The following GPHN variants were observed in gnomAD, a reference collection of about 807,000 sequenced individuals.
GPHN encodes the protein gephyrin.
GPHN carries 17 observed loss-of-function variants against 95.5 expected under a neutral mutation model. That is an observed-to-expected ratio of 0.18 (90% CI 0.12 to 0.27). The LOEUF (loss-of-function observed/expected upper bound fraction) is 0.27, where lower values mean the gene tolerates loss of function less well. Among genes scored for constraint, GPHN ranks in the 10% least tolerant of loss-of-function variants. The pLI is 1.00. For missense variants in GPHN, 660 were observed against 978.1 expected (o/e 0.67, Z 4.34); for synonymous variants, 320 against 322.5 (o/e 0.99, Z 0.08).
At chr14:67,435,245 G>A in the GPHN span, among the ~76,000 whole-genome samples, 2 of 152,096 alleles carry the variant, frequency 1.3e-5, no homozygotes, top group African/African-American at 2.4e-5. Context: ...GGGATTACAA[G>A]CCTGAGCCAT....
intron 8 of GPHN, among the ~76,000 whole-genome samples, chr14:66,956,651 T>C (rs1269712592): frequency 6.6e-6 from 1 of 152,168 alleles, no homozygotes; most frequent in East Asian, 1.9e-4. Context: ...ATGAGCATTT[T>C]TTCATGTGTT....
At chr14:67,174,242 C>G (rs2082777757) in intron 21 of GPHN, among the ~76,000 whole-genome samples, 1 of 149,910 alleles carries the variant, frequency 6.7e-6, no homozygotes, top group Admixed American at 6.6e-5. Flanking sequence ...CCCACAACCC[C>G]CCGACAGGCC....
At chr14:67,642,793 C>CTTTTTTTTTTTTTTTTTTTTT in the GPHN span, among the ~76,000 whole-genome samples, 19 of 75,554 alleles carry the variant, frequency 2.5e-4, 6 homozygotes, top group African/African-American at 9.3e-4. Context: ...ACTACATTTT[C>CTTTTTTTTTTTTTTTTTTTTT]TTTTTTTTTT....
At chr14:67,172,621 A>G (rs2140104402) in intron 21 of GPHN, among the ~76,000 whole-genome samples, 1 of 152,242 alleles carries the variant, frequency 6.6e-6, no homozygotes, top group South Asian at 2.1e-4. Context: ...GCAGTGGCTG[A>G]GCTGAGACAC....
the GPHN span, among the ~76,000 whole-genome samples, chr14:67,636,323 C>CT: frequency 6.6e-6 from 1 of 152,194 alleles, no homozygotes; most frequent in African/African-American, 2.4e-5. Context: ...CATATATGAG[C>CT]TCTAACCAAA....
intron 5 of GPHN, among the ~76,000 whole-genome samples, chr14:66,892,526 T>C (rs913439381): frequency 7.2e-5 from 11 of 152,202 alleles, no homozygotes; most frequent in Non-Finnish European, 1.2e-4. Flanking sequence ...TGTCCATTGA[T>C]TGATGAATGC....
At chr14:67,701,110 A>C in the GPHN span, among the ~76,000 whole-genome samples, 10 of 151,848 alleles carry the variant, frequency 6.6e-5, no homozygotes, top group Non-Finnish European at 1.0e-4. Flanking sequence ...ACCAAGAAAA[A>C]CATGTATCTT....
intron 3 of GPHN, among the ~76,000 whole-genome samples, chr14:66,798,590 T>C (rs1465332887): frequency 6.6e-6 from 1 of 151,924 alleles, no homozygotes; most frequent in Non-Finnish European, 1.5e-5. Context: ...TTGCAATTTA[T>C]TGGGATACAG....
chr14:67,647,212 T>C, the GPHN span: 2 of 508,954 alleles, frequency 3.9e-6, no homozygotes, highest in South Asian at 6.4e-5. Flanking sequence ...GGGAGGAGGT[T>C]TCCTCTAAAT....
At chr14:67,225,081 C>A in the GPHN span, 1 of 1,528,836 alleles carries the variant, frequency 6.5e-7, no homozygotes, top group South Asian at 1.3e-5. Flanking sequence ...TTGATCTCTC[C>A]TTTACTTTCC....
intron 2 of GPHN, among the ~76,000 whole-genome samples, chr14:66,734,567 CCTT>C (rs1276964495): frequency 2.0e-5 from 3 of 152,134 alleles, no homozygotes; most frequent in Non-Finnish European, 4.4e-5. Context: ...AATTTTATCT[CCTT>C]AAGTTCTGTG....
intron 5 of GPHN, among the ~76,000 whole-genome samples, chr14:66,889,189 G>A (rs1293934659): frequency 6.6e-6 from 1 of 151,952 alleles, no homozygotes; most frequent in Non-Finnish European, 1.5e-5. Context: ...GGATAGAACA[G>A]CCACACAAAA....
At chr14:66,769,852 G>A (rs1054158408) in intron 2 of GPHN, among the ~76,000 whole-genome samples, 2 of 152,118 alleles carry the variant, frequency 1.3e-5, no homozygotes, top group Non-Finnish European at 2.9e-5. Context: ...ACCCAGTAGT[G>A]GGATTGCTGG....
In GPHN at chr14:66,690,518, A is replaced by AT. The variant is rs1215465401; in HGVS notation, c.143+9337dup. 3.9e-5 allele frequency among the ~76,000 whole-genome samples: 6 copies of AT among 152,022 alleles called. No homozygotes were observed. The East Asian group carries it at 9.7e-4, about 24-fold the overall frequency. On this transcript the variant is annotated intron_variant, in intron 2 of 22. Transcript: ENST00000478722. Reference sequence around the variant, plus strand: ...GTGTATTCTGCTGCATTTGGGTGATATTTTCTCTAAAGGTTTGTTAGGTTC... The same window carrying AT: ...GTGTATTCTGCTGCATTTGGGTGATATTTTTCTCTAAAGGTTTGTTAGGTTC...
chr14:67,111,943 T>C, intron 15 of GPHN, 24 bp downstream of exon 15: 1 of 1,562,212 alleles, frequency 6.4e-7, no homozygotes, highest in Non-Finnish European at 8.8e-7. Flanking sequence ...ACATAGAATA[T>C]ATAGCCTACT....
At chr14:66,999,258 C>T (rs2153609397) in intron 9 of GPHN, among the ~76,000 whole-genome samples, 1 of 151,508 alleles carries the variant, frequency 6.6e-6, no homozygotes, top group Admixed American at 6.6e-5. Context: ...AGAAGATGCA[C>T]CTATAAGATA....
chr14:67,073,204 T>A (rs1220288964), intron 11 of GPHN, among the ~76,000 whole-genome samples: 1 of 152,108 alleles, frequency 6.6e-6, no homozygotes, highest in Non-Finnish European at 1.5e-5. Flanking sequence ...TATAGGACAG[T>A]GACTGAGAAA....
intron 1 of GPHN, among the ~76,000 whole-genome samples, chr14:66,533,245 T>G (rs1299956493): frequency 6.6e-6 from 1 of 152,246 alleles, no homozygotes; most frequent in Non-Finnish European, 1.5e-5. Context: ...GAATATTTAT[T>G]GTAATCTCTT....
the GPHN span, among the ~76,000 whole-genome samples, chr14:67,498,832 AT>A: frequency 6.6e-6 from 1 of 151,388 alleles, no homozygotes; most frequent in Non-Finnish European, 1.5e-5. Context: ...TGCCTGATTA[AT>A]TTTTTTTGTA....
Sources: allele counts gnomAD v4.1 joint callset (sites outside exome capture counted in the v4.1 genomes callset), GRCh38; gene constraint gnomAD v4.1.1; transcripts MANE v1.5; gene names NCBI Gene and HGNC (gene_info 2026-07-23, HGNC 2026-07-21).